WWC2: variants seen among roughly 807,000 people sequenced by gnomAD.
WWC2 encodes the protein protein WWC2.
Under a neutral mutation model 138.5 loss-of-function variants are expected in WWC2, and 101 were observed. The observed-to-expected ratio is 0.73, with a 90% CI of 0.62 to 0.86. The LOEUF (loss-of-function observed/expected upper bound fraction) is 0.86, where lower values mean the gene tolerates loss of function less well. WWC2 is among the 40% of genes least tolerant of loss of function. The pLI is 0.00. For missense variants in WWC2, 1,420 were observed against 1,419.4 expected (o/e 1.00, Z -0.01); for synonymous variants, 558 against 538.4 (o/e 1.04, Z -0.50).
At chr4:183,250,580 A>C (rs1417939835) in intron 8 of WWC2, among the ~76,000 whole-genome samples, 1 of 152,050 alleles carries the variant, frequency 6.6e-6, no homozygotes, top group African/African-American at 2.4e-5. Context: ...GGAGTGAGAC[A>C]TAAGAAACTT....
chr4:183,254,104 T>C (rs954369170), intron 9 of WWC2, 105 bp downstream of exon 9: 3 of 1,471,380 alleles, frequency 2.0e-6, no homozygotes, highest in South Asian at 1.4e-5. Flanking sequence ...CTGTTCTTAG[T>C]GGACTGAGAA....
intron 1 of WWC2, among the ~76,000 whole-genome samples, chr4:183,141,984 T>TA (rs1469423783): frequency 6.6e-6 from 1 of 152,176 alleles, no homozygotes; most frequent in African/African-American, 2.4e-5. Context: ...GACAAAGAAA[T>TA]ACATAGCACA....
intron 4 of WWC2, chr4:183,233,645 G>A (rs987142784): frequency 5.3e-5 from 8 of 151,974 alleles, no homozygotes; most frequent in Admixed American, 3.3e-4. Context: ...TAGCCATCTC[G>A]TTTCTGATGG....
At chr4:183,309,028 CA>C (rs1358358451) in intron 21 of WWC2, among the ~76,000 whole-genome samples, 2 of 152,128 alleles carry the variant, frequency 1.3e-5, no homozygotes, top group African/African-American at 4.8e-5. Context: ...CATTTATTCA[CA>C]TGCAAAAAAA....
chr4:183,255,016 C>G (rs974644864), intron 9 of WWC2, among the ~76,000 whole-genome samples: 1 of 152,192 alleles, frequency 6.6e-6, no homozygotes, highest in African/African-American at 2.4e-5. Context: ...TAGGTGTTAG[C>G]ATGGGGACTC....
rs545343580 is a variant in WWC2, at chr4:183,269,127, T to G, written c.2364T>G (p.Leu788=). Residue 788 remains leucine (L), a synonymous_variant, in exon 15 of 23, where the codon CTT becomes CTG. Coordinates refer to ENST00000403733, the MANE Select transcript of WWC2 (RefSeq NM_024949.6). The stretch of plus-strand genomic sequence containing the variant: ...AACAGAAGACACTGAGGGTAGACCT[T>G]TGCTCTGTCAGTAAACACCGAAGGG... ...ALQQKTLRVD[L]CSVSKHRREE... is the part of the protein sequence containing the mutation. 4.3e-6 allele frequency: 7 copies of G among 1,613,262 alleles called. 1 individual carries two copies. In the South Asian group the frequency reaches 7.7e-5, roughly 18 times the overall value.
chr4:183,210,534 A>G lies in WWC2; in HGVS notation c.522+1509A>G, dbSNP rs143193713. Reference sequence around the variant, plus strand: ...ATTTTACTATCTCCATGTATGCCATAACATCATGTTGTAAGCCTCAAATAT... The same window carrying G: ...ATTTTACTATCTCCATGTATGCCATGACATCATGTTGTAAGCCTCAAATAT... On this transcript the variant is annotated intron_variant, in intron 4 of 22. Coordinates refer to ENST00000403733, the MANE Select transcript of WWC2 (RefSeq NM_024949.6). Among the ~76,000 whole-genome samples, 5 of 152,332 alleles carry G rather than the reference A, an allele frequency of 3.3e-5. No individual in the cohort carries two copies. In the East Asian group the frequency reaches 9.6e-4, roughly 29 times the overall value.
In WWC2 at chr4:183,254,132, T is replaced by A. The variant is rs1305505938; in HGVS notation, c.1196+133T>A. The stretch of plus-strand genomic sequence containing the variant: ...ACTGAGAAACAGCACAAATGGACTT[T>A]CTGTAGAACAATAAAGTGCACCATC... On this transcript the variant is annotated intron_variant, in intron 9 of 22. Transcript: ENST00000403733. 6 of 1,376,492 alleles carry A rather than the reference T, an allele frequency of 4.4e-6. No homozygotes were observed. The Admixed American group carries it at 1.7e-4, about 39-fold the overall frequency. The allele number at this position is 1,376,492 out of a possible 1,614,324, so 85.3% of individuals were successfully genotyped here. A position where few individuals can be genotyped will look rare whatever the true frequency, so the allele number is the denominator to read the frequency against.
chr4:183,157,009 G>A (rs1172026510), intron 1 of WWC2, among the ~76,000 whole-genome samples: 1 of 152,032 alleles, frequency 6.6e-6, no homozygotes, highest in Non-Finnish European at 1.5e-5. Flanking sequence ...CAAAACAATA[G>A]CATTCACTTA....
chr4:183,235,228 C>T (rs1295505701), intron 4 of WWC2, among the ~76,000 whole-genome samples: 2 of 152,164 alleles, frequency 1.3e-5, no homozygotes, highest in Admixed American at 1.3e-4. Flanking sequence ...ACAAAGAAAG[C>T]ACAGGTTAGC....
intron 22 of WWC2, among the ~76,000 whole-genome samples, chr4:183,312,885 T>TG (rs1161373350): frequency 4.6e-5 from 7 of 152,162 alleles, no homozygotes; most frequent in African/African-American, 1.7e-4. Flanking sequence ...TCTGCTCTTC[T>TG]GGGGGGCTCT....
intron 1 of WWC2, among the ~76,000 whole-genome samples, chr4:183,145,027 GCTT>G (rs1337833440): frequency 6.6e-6 from 1 of 152,352 alleles, no homozygotes; most frequent in East Asian, 1.9e-4. Flanking sequence ...AATTCCCGGT[GCTT>G]CTTTAGAGTG....
chr4:183,281,954 G>A (rs963655512), intron 17 of WWC2, among the ~76,000 whole-genome samples: 3 of 152,124 alleles, frequency 2.0e-5, no homozygotes, highest in Admixed American at 6.6e-5. Context: ...GGTTCCCCTT[G>A]TGTTCACTTC....
intron 14 of WWC2, among the ~76,000 whole-genome samples, chr4:183,267,323 G>A (rs566812728): frequency 6.6e-5 from 10 of 152,158 alleles, no homozygotes; most frequent in Non-Finnish European, 1.2e-4. Context: ...CTAGATCAAC[G>A]CAGAGAGCCT....
chr4:183,149,816 C>T (rs987807472), intron 1 of WWC2, among the ~76,000 whole-genome samples: 3 of 151,854 alleles, frequency 2.0e-5, no homozygotes, highest in African/African-American at 7.3e-5. Context: ...TGTTAGCAGC[C>T]GTTGATATCT....
At chr4:183,099,783 C>T (rs889335279) in intron 1 of WWC2, among the ~76,000 whole-genome samples, 161 bp downstream of exon 1, 1 of 151,864 alleles carries the variant, frequency 6.6e-6, no homozygotes. Flanking sequence ...AGGAGCCGCC[C>T]GTACCCGGGC....
At chr4:183,155,581 T>G (rs1733782820) in intron 1 of WWC2, among the ~76,000 whole-genome samples, 1 of 152,052 alleles carries the variant, frequency 6.6e-6, no homozygotes, top group Non-Finnish European at 1.5e-5. Context: ...AATACTATAA[T>G]GGTATAGGGG....
chr4:183,232,868 G>T (rs370645101), intron 4 of WWC2, among the ~76,000 whole-genome samples: 18 of 152,124 alleles, frequency 1.2e-4, no homozygotes, highest in African/African-American at 4.1e-4. Flanking sequence ...GGCTGGTCTC[G>T]AACTCCTGAC....
rs1179802167 is a variant in WWC2, at chr4:183,117,295, A to G, written c.131+17673A>G. Among the ~76,000 whole-genome samples the G allele has an allele frequency of 2.2e-5, 3 of 134,214 alleles. No homozygotes were observed. The Admixed American group carries it at 2.7e-4, about 12-fold the overall frequency. 88.0% of individuals were successfully genotyped at this position (134,214 alleles called of 152,430 possible). ...GAGTGCAATGGCGTGATCTTGGCTCACTGCAACCTCTGCCTCCTGGGTTTA... is the reference window on the plus strand; with the variant it reads ...GAGTGCAATGGCGTGATCTTGGCTCGCTGCAACCTCTGCCTCCTGGGTTTA... On this transcript the variant is annotated intron_variant, in intron 1 of 22. Transcript: ENST00000403733.
Sources: gnomAD v4.1 joint callset for allele counts (sites outside exome capture counted in the v4.1 genomes callset) on GRCh38, gnomAD v4.1.1 for gene constraint, MANE v1.5 for transcripts, NCBI Gene and HGNC (gene_info 2026-07-23, HGNC 2026-07-21) for gene names.